Variants in ULK4 observed in about 807,000 individuals in gnomAD.
ULK4 encodes the protein unc-51 like kinase 4, also known as inactive serine/threonine-protein kinase ULK4.
ULK4 carries 133 observed loss-of-function variants against 160.6 expected under a neutral mutation model. The ratio of observed to expected loss-of-function variants is 0.83; its 90% CI spans 0.72 to 0.96. ULK4 has a LOEUF of 0.96. Ranked by LOEUF, ULK4 falls within the 40% of genes least tolerant of loss-of-function variation. The pLI is 0.00. For synonymous variants in ULK4, 534 were observed against 539.8 expected (o/e 0.99, Z 0.15); for missense variants, 1,580 against 1,499.5 (o/e 1.05, Z -0.89).
At chr3:41,534,009 G>A (rs1795328) in intron 32 of ULK4, among the ~76,000 whole-genome samples, 7 of 152,132 alleles carry the variant, frequency 4.6e-5, no homozygotes, top group African/African-American at 1.2e-4. Context: ...GGGTTTCACC[G>A]TGTTAGCCAA....
At chr3:41,943,400 C>A (rs1226067699) in intron 2 of ULK4, among the ~76,000 whole-genome samples, 1 of 152,082 alleles carries the variant, frequency 6.6e-6, no homozygotes, top group East Asian at 1.9e-4. Context: ...CACATCCTAG[C>A]CTGTGACCAT....
rs1317091183 is a variant in ULK4 at position 41,938,163 on chromosome 3, A to G, written c.173T>C (p.Ile58Thr). The G allele has an allele frequency of 6.2e-7, 1 of 1,613,380 alleles. No individual in the cohort carries two copies. The highest frequency in any genetic ancestry group is 8.5e-7 in the Non-Finnish European group (1 of 1,179,706). The change falls in exon 3 of 37, where the codon ATT becomes ACT. Residue 58 changes from isoleucine (I) to threonine (T), a missense_variant. Coordinates refer to ENST00000301831, the MANE Select transcript of ULK4 (RefSeq NM_017886.4). ...RLTREIKHKN[I>T]VTFHEWYETS... ...TTCATACCATTCATGAAAAGTTACA[A>G]TATTCTTGTGTTTTATTTCACGGGT...
intron 18 of ULK4, among the ~76,000 whole-genome samples, chr3:41,827,045 G>A (rs1266454741): frequency 6.6e-6 from 1 of 150,908 alleles, no homozygotes; most frequent in Non-Finnish European, 1.5e-5. Flanking sequence ...TGAACAACCT[G>A]CTCCTGAATG....
intron 18 of ULK4, among the ~76,000 whole-genome samples, 168 bp downstream of exon 18, chr3:41,835,696 G>T (rs373190355): frequency 6.6e-6 from 1 of 152,184 alleles, no homozygotes; most frequent in Non-Finnish European, 1.5e-5. Context: ...ATAGAAAGAG[G>T]CTGAGTAACA....
intron 35 of ULK4, among the ~76,000 whole-genome samples, chr3:41,257,361 G>C (rs1025151718): frequency 2.0e-5 from 3 of 152,158 alleles, no homozygotes; most frequent in Admixed American, 1.3e-4. Flanking sequence ...GCCAGACACA[G>C]TGGCTAACAC....
At chr3:41,632,108 C>T (rs956743792) in intron 30 of ULK4, among the ~76,000 whole-genome samples, 1 of 152,166 alleles carries the variant, frequency 6.6e-6, no homozygotes, top group Admixed American at 6.6e-5. Flanking sequence ...CAGTTTGAAA[C>T]CACATGTAAG....
intron 21 of ULK4, among the ~76,000 whole-genome samples, chr3:41,761,411 T>C (rs1335878723): frequency 6.7e-6 from 1 of 149,374 alleles, no homozygotes; most frequent in Non-Finnish European, 1.5e-5. Context: ...ATATATATTA[T>C]ATATTATCTA....
intron 35 of ULK4, among the ~76,000 whole-genome samples, chr3:41,378,418 C>T (rs1394577143): frequency 2.7e-5 from 4 of 149,410 alleles, no homozygotes; most frequent in African/African-American, 9.8e-5. Context: ...AAATGAGTGG[C>T]ACTTACATAT....
At chr3:41,623,202 A>G (rs910836360) in intron 30 of ULK4, among the ~76,000 whole-genome samples, 1 of 152,238 alleles carries the variant, frequency 6.6e-6, no homozygotes, top group African/African-American at 2.4e-5. Context: ...GTATGATTAA[A>G]TGCTCACGGA....
At chr3:41,945,786 A>G (rs17218504) in intron 2 of ULK4, among the ~76,000 whole-genome samples, 19,080 of 152,152 alleles carry the variant, frequency 0.13, 1,382 homozygotes, top group Middle Eastern at 0.27. Context: ...AAATGCCCGA[A>G]TCCATTCTTT....
chr3:41,905,425 G>A (rs1172994185), intron 12 of ULK4, among the ~76,000 whole-genome samples: 1 of 152,084 alleles, frequency 6.6e-6, no homozygotes. Context: ...GCTGGGAGTA[G>A]CAATGGTTTT....
chr3:41,343,813 AAGG>A (rs1379939833), intron 35 of ULK4, among the ~76,000 whole-genome samples: 1 of 152,214 alleles, frequency 6.6e-6, no homozygotes, highest in African/African-American at 2.4e-5. Context: ...GAACCTTTTC[AAGG>A]AGAAGTAAAA....
chr3:41,470,034 A>AAC (rs1553675861), intron 32 of ULK4, among the ~76,000 whole-genome samples: 2 of 148,106 alleles, frequency 1.4e-5, no homozygotes, highest in Admixed American at 6.7e-5. Flanking sequence ...AAAAAAAAAA[A>AAC]AAAAAAAAAA....
intron 32 of ULK4, among the ~76,000 whole-genome samples, chr3:41,565,228 A>T (rs2087743809): frequency 6.6e-6 from 1 of 152,256 alleles, no homozygotes; most frequent in Non-Finnish European, 1.5e-5. Flanking sequence ...TACGTAATGC[A>T]TGACTGTACA....
At chr3:41,489,782 C>T (rs2084680630) in intron 32 of ULK4, among the ~76,000 whole-genome samples, 2 of 152,102 alleles carry the variant, frequency 1.3e-5, no homozygotes. Flanking sequence ...TCAGATGTCA[C>T]CTCCTACCAG....
At chr3:41,772,917 C>T (rs753109485) in intron 21 of ULK4, among the ~76,000 whole-genome samples, 25 of 151,648 alleles carry the variant, frequency 1.6e-4, no homozygotes, top group Non-Finnish European at 3.5e-4. Context: ...TGGTTCAACA[C>T]ACACAACTCA....
At chr3:41,708,928 T>C (rs1288864152) in intron 25 of ULK4, among the ~76,000 whole-genome samples, 1 of 152,212 alleles carries the variant, frequency 6.6e-6, no homozygotes, top group African/African-American at 2.4e-5. Flanking sequence ...TATAGGAAAA[T>C]ACTTAAATGC....
chr3:41,825,789 A>G (rs897788946), intron 18 of ULK4, among the ~76,000 whole-genome samples: 2 of 152,216 alleles, frequency 1.3e-5, no homozygotes, highest in Admixed American at 6.5e-5. Flanking sequence ...CCAACATTCA[A>G]ATTCAGGAAA....
intron 35 of ULK4, among the ~76,000 whole-genome samples, chr3:41,394,309 A>G (rs1278845774): frequency 6.6e-6 from 1 of 152,144 alleles, no homozygotes; most frequent in Admixed American, 6.5e-5. Flanking sequence ...GAAGCATGAG[A>G]CAGGTAGTAT....
Sources: allele counts gnomAD v4.1 joint callset (sites outside exome capture counted in the v4.1 genomes callset), GRCh38; gene constraint gnomAD v4.1.1; transcripts MANE v1.5; gene names NCBI Gene and HGNC (gene_info 2026-07-23, HGNC 2026-07-21).